SEZ6L2: variants seen among roughly 807,000 people sequenced by gnomAD.
SEZ6L2 encodes seizure related 6 homolog like 2.
In SEZ6L2, 44 loss-of-function variants were observed where a neutral mutation model predicts 97.0. The ratio of observed to expected loss-of-function variants is 0.45; its 90% confidence interval spans 0.36 to 0.58. The LOEUF (loss-of-function observed/expected upper bound fraction) is 0.58, where lower values mean the gene tolerates loss of function less well. SEZ6L2 is among the 20% of genes least tolerant of loss of function. The probability of loss-of-function intolerance (pLI) is 0.00; values close to 1 mark genes in which losing one functional copy is unlikely to be tolerated. For missense variants in SEZ6L2, 1,086 were observed against 1,233.3 expected, an observed-to-expected ratio of 0.88 and a Z score of 1.79; for synonymous variants, 543 against 546.1, an observed-to-expected ratio of 0.99 and a Z score of 0.08.
At chr16:29,891,222 G>A in intron 5 of SEZ6L2, among the ~76,000 whole-genome samples, 1 of 151,900 alleles carries the variant, frequency 6.6e-6, no homozygotes, top group East Asian at 1.9e-4. Context: ...TTACAGGCGT[G>A]AACCACTGTG....
At chr16:29,887,561 T>C (rs902102996) in intron 7 of SEZ6L2, 88 bp downstream of exon 7, 1 of 1,318,564 alleles carries the variant, frequency 7.6e-7, no homozygotes, top group East Asian at 2.6e-5. Flanking sequence ...ATCCGCCTGC[T>C]TCGGCCTCCC....
At chr16:29,894,847 C>T (rs953646202) in intron 5 of SEZ6L2, among the ~76,000 whole-genome samples, 2 of 152,070 alleles carry the variant, frequency 1.3e-5, no homozygotes, top group Admixed American at 1.3e-4. Flanking sequence ...GGAGGAAAAG[C>T]CCCCTTCGGC....
intron 8 of SEZ6L2, among the ~76,000 whole-genome samples, chr16:29,880,919 C>T (rs2068017018): frequency 6.6e-6 from 1 of 151,474 alleles, no homozygotes; most frequent in African/African-American, 2.4e-5. Flanking sequence ...GCACACCCCA[C>T]CCAGCAGCTC....
chr16:29,871,537 G>A lies in SEZ6L2; in HGVS notation c.*162C>T, dbSNP rs1393134589. On this transcript the variant is annotated 3_prime_UTR_variant, in exon 18 of 18. Coordinates refer to ENST00000617533, the MANE Select transcript of SEZ6L2 (RefSeq NM_001243332.2). ...GCGGCAGGATGCTGGTTTATTTACT[G>A]TAGGATCTCCAGGGCCATCAAAGCC... 2 of 732,062 alleles carry A rather than the reference G, an allele frequency of 2.7e-6. No individual in the cohort carries two copies. Among genetic ancestry groups the A allele is most frequent in the Non-Finnish European group, 4.8e-6 (2 of 413,434 alleles). The allele number at this position is 732,062 out of a possible 1,614,324, so 45.3% of individuals were successfully genotyped here.
At chr16:29,898,811 C>T in intron 1 of SEZ6L2, 130 bp downstream of exon 1, 1 of 696,006 alleles carries the variant, frequency 1.4e-6, no homozygotes, top group Non-Finnish European at 2.4e-6. Context: ...TCTGGCTTGC[C>T]CCTTCCCCAT....
At chr16:29,877,768 C>T (rs987561044) in intron 10 of SEZ6L2, among the ~76,000 whole-genome samples, 2 of 152,230 alleles carry the variant, frequency 1.3e-5, no homozygotes, top group Non-Finnish European at 1.5e-5. Context: ...GATCCACAGC[C>T]TAGCCCAACT....
intron 10 of SEZ6L2, among the ~76,000 whole-genome samples, chr16:29,878,012 A>C (rs1026458420): frequency 7.9e-5 from 12 of 152,318 alleles, no homozygotes; most frequent in Admixed American, 2.0e-4. Context: ...AGAAACCTCC[A>C]AAGAGTGAGA....
chr16:29,889,986 G>A (rs2068236882), intron 5 of SEZ6L2, among the ~76,000 whole-genome samples: 1 of 151,960 alleles, frequency 6.6e-6, no homozygotes, highest in Non-Finnish European at 1.5e-5. Flanking sequence ...TCGGCTCACT[G>A]CAACCTCCGT....
chr16:29,879,936 C>A lies in SEZ6L2; in HGVS notation c.1501G>T (p.Gly501Trp), dbSNP rs2067995094. Residue 501 changes from glycine to tryptophan, a missense_variant, in exon 9 of 18, where the codon GGG becomes TGG. Gly to Trp is a radical substitution (Grantham distance 184, BLOSUM62 -2). Around this residue, in one of 2 missense-constraint regions of SEZ6L2, gnomAD observed 776 missense variants for 794.7 expected, o/e 0.98. Coordinates refer to ENST00000617533, the MANE Select transcript of SEZ6L2 (RefSeq NM_001243332.2). ...CLPGYALEPP[G>W]PPNAIECVDP... ...ACACATTCGATGGCATTGGGGGGCC[C>A]AGGGGGCTCCAGGGCATATCCTGGG... is the stretch of plus-strand genomic sequence containing the variant. The A allele has an allele frequency of 6.2e-7, 1 of 1,614,106 alleles. No homozygotes were observed. The highest frequency in any genetic ancestry group is 8.5e-7 in the Non-Finnish European group (1 of 1,179,994).
chr16:29,879,289 G>C (rs779038857), intron 9 of SEZ6L2, among the ~76,000 whole-genome samples: 3 of 149,872 alleles, frequency 2.0e-5, no homozygotes, highest in Non-Finnish European at 4.4e-5. Context: ...GCAGTGCTGC[G>C]ATCTCGGCTC....
At position 29,887,556 on chromosome 16, in the gene SEZ6L2, C is replaced by T. The variant is rs1340699884; in HGVS notation, c.1208+93G>A. On this transcript the variant is annotated intron_variant, in intron 7 of 17. Coordinates refer to ENST00000617533, the MANE Select transcript of SEZ6L2 (RefSeq NM_001243332.2). The stretch of plus-strand genomic sequence containing the variant: ...CTCGATCTCCTGACCTTGTGATCCG[C>T]CTGCTTCGGCCTCCCAAAGTACTGG... 3.2e-6 allele frequency: 4 copies of T among 1,259,234 alleles called. No individual in the cohort carries two copies. The East Asian group carries it at 7.9e-5, about 25-fold the overall frequency. The allele number at this position is 1,259,234 out of a possible 1,614,324, so 78.0% of individuals were successfully genotyped here.
chr16:29,887,967 GGATGGGACC>G (rs2068184437), intron 6 of SEZ6L2, 150 bp from the exon 7 acceptor site: 3 of 811,024 alleles, frequency 3.7e-6, no homozygotes, highest in Non-Finnish European at 5.6e-6. Flanking sequence ...TCACTCCAGA[GGATGGGACC>G]TTCTCCAGGC....
chr16:29,873,301 G>A lies in SEZ6L2; in HGVS notation c.2427C>T (p.Val809=), dbSNP rs561941491. The A allele has an allele frequency of 6.2e-7, 1 of 1,614,224 alleles. No homozygotes were observed. The highest frequency in any genetic ancestry group is 1.1e-5 in the South Asian group (1 of 91,088). Residue 809 remains valine, a synonymous_variant, in exon 14 of 18, where the codon GTC becomes GTT. Coordinates refer to ENST00000617533, the MANE Select transcript of SEZ6L2 (RefSeq NM_001243332.2). The surrounding 1 kb of genome is among the most constrained non-coding windows in gnomAD (Gnocchi z 4.3). The part of the protein sequence containing the change: ...CYEGFELIGE[V]TITCVPGHPS... The stretch of plus-strand genomic sequence containing the variant: ...GGTGGCCGGGCACACAGGTGATGGT[G>A]ACCTCGCCGATAAGCTCAAAGCCCT...
Position 29,897,863 on chromosome 16 carries a change from G to A in SEZ6L2, c.201C>T (p.Gly67=), listed in dbSNP as rs1245485253. The A allele has an allele frequency of 2.5e-6, 4 of 1,604,756 alleles. No homozygotes were observed. Among genetic ancestry groups the A allele is most frequent in the Non-Finnish European group, 3.4e-6 (4 of 1,177,282 alleles). Residue 67 remains glycine (G), a synonymous_variant, in exon 2 of 18, where the codon GGC becomes GGT. Transcript: ENST00000617533. ...GALLRRGPEM[G]YLPGSDRDPT... ...CTCTGGGGGCCTCACCTGGCAGGTA[G>A]CCCATCTCTGGGCCCCTCCTCAGCA... is the stretch of plus-strand genomic sequence containing the variant.
rs2067914563 is a variant in SEZ6L2, at chr16:29,876,844, G to A, written c.2016C>T (p.Cys672=). 1.2e-6 allele frequency: 2 copies of A among 1,612,294 alleles called. No homozygotes were observed. Among genetic ancestry groups the A allele is most frequent in the Non-Finnish European group, 1.7e-6 (2 of 1,179,332 alleles). ...LIRGTVLTYQ[C]EPGYELLGSD... ...AGCCTAGCAGCTCGTAGCCAGGCTC[G>A]CACTGGTAGGTGAGCACCGTGCCCC... The change falls in exon 12 of 18, where the codon TGC becomes TGT. Residue 672 remains cysteine, a synonymous_variant. Transcript: ENST00000617533. This position sits in a 1 kb window ranked among gnomAD's most constrained non-coding sequence, Gnocchi z 6.5.
intron 5 of SEZ6L2, among the ~76,000 whole-genome samples, chr16:29,890,626 C>A (rs142696592): frequency 6.6e-6 from 1 of 151,882 alleles, no homozygotes; most frequent in Admixed American, 6.6e-5. Flanking sequence ...GACTGGGGGG[C>A]TTATGTACCA....
intron 11 of SEZ6L2, 73 bp from the exon 12 acceptor site, chr16:29,877,023 C>T (rs2067919274): frequency 4.9e-6 from 7 of 1,439,194 alleles, no homozygotes; most frequent in Non-Finnish European, 1.9e-6. Flanking sequence ...GGAGGCTTTG[C>T]TCTGTGCCCC....
intron 5 of SEZ6L2, among the ~76,000 whole-genome samples, chr16:29,894,182 T>C (rs1404038328): frequency 2.0e-5 from 3 of 152,214 alleles, no homozygotes; most frequent in Admixed American, 2.0e-4. Context: ...CACACTGTTT[T>C]AAACACTTGA....
chr16:29,895,263 A>G lies in SEZ6L2; in HGVS notation c.849T>C (p.Tyr283=). 6.2e-7 allele frequency: 1 copy of G among 1,612,746 alleles called. No homozygotes were observed. Among genetic ancestry groups the G allele is most frequent in the South Asian group, 1.1e-5 (1 of 91,028 alleles). Residue 283 remains tyrosine, a synonymous_variant, in exon 5 of 18, where the codon TAT becomes TAC. Coordinates refer to ENST00000617533, the MANE Select transcript of SEZ6L2 (RefSeq NM_001243332.2). ...CAGCACCCTCAAACTCCTCACCCTG[A>G]TAGTGGATCCTGAAGCCACCGCCCC... ...VPRGGGFRIH[Y]QAYLLSCGFP...
Sources: allele counts gnomAD v4.1 joint callset (sites outside exome capture counted in the v4.1 genomes callset), GRCh38; gene constraint gnomAD v4.1.1; regional missense constraint gnomAD v4.1.1; non-coding constraint Gnocchi (gnomAD v3.1); transcripts MANE v1.5; gene names NCBI Gene and HGNC (gene_info 2026-07-23, HGNC 2026-07-21).